Variants in UBE2D2 observed in about 807,000 individuals in gnomAD.
The protein encoded by UBE2D2 is ubiquitin conjugating enzyme E2 D2.
A neutral mutation model predicts 24.2 loss-of-function variants in UBE2D2; 2 were observed. The observed-to-expected ratio is 0.08, with a 90% CI of 0.03 to 0.26. The LOEUF is 0.26. Among genes scored for constraint, UBE2D2 ranks in the 10% least tolerant of loss-of-function variants. The probability of loss-of-function intolerance (pLI) is 1.00; values close to 1 mark genes in which losing one functional copy is unlikely to be tolerated. For missense variants in UBE2D2, 44 were observed against 177.6 expected (o/e 0.25, Z 4.28); for synonymous variants, 58 against 56.5 (o/e 1.03, Z -0.12).
At chr5:139,617,011 A>G (rs1256741922) in intron 5 of UBE2D2, among the ~76,000 whole-genome samples, 1 of 152,054 alleles carries the variant, frequency 6.6e-6, no homozygotes, top group Non-Finnish European at 1.5e-5. Context: ...GCAAAACCCC[A>G]TCTTTACTAA....
intron 1 of UBE2D2, among the ~76,000 whole-genome samples, chr5:139,589,650 AGTG>A (rs756585538): frequency 7.9e-5 from 12 of 152,244 alleles, no homozygotes; most frequent in Non-Finnish European, 1.5e-4. Flanking sequence ...CTTAGAAAGT[AGTG>A]ATTTATTTAG....
chr5:139,606,788 A>C (rs1482202021), intron 2 of UBE2D2, among the ~76,000 whole-genome samples: 1 of 152,072 alleles, frequency 6.6e-6, no homozygotes, highest in Non-Finnish European at 1.5e-5. Flanking sequence ...TTTTTACTTG[A>C]ACCTCTAGTA....
At chr5:139,531,919 C>T (rs1400281442) in intron 1 of UBE2D2, among the ~76,000 whole-genome samples, 1 of 150,906 alleles carries the variant, frequency 6.6e-6, no homozygotes, top group African/African-American at 2.4e-5. Flanking sequence ...CCCAGGGGGT[C>T]GAAGCTGCAA....
chr5:139,548,274 C>T (rs868583816), intron 1 of UBE2D2, among the ~76,000 whole-genome samples: 6 of 150,662 alleles, frequency 4.0e-5, no homozygotes, highest in South Asian at 2.1e-4. Flanking sequence ...CTCATATATG[C>T]ACGGCCTCTC....
intron 1 of UBE2D2, among the ~76,000 whole-genome samples, chr5:139,536,159 G>C (rs1752679746): frequency 6.6e-6 from 1 of 152,076 alleles, no homozygotes; most frequent in South Asian, 2.1e-4. Flanking sequence ...GAGTGCAATG[G>C]CGTGATCTCA....
intron 1 of UBE2D2, among the ~76,000 whole-genome samples, chr5:139,567,520 A>G (rs1375752696): frequency 7.4e-6 from 1 of 134,416 alleles, no homozygotes; most frequent in Admixed American, 7.5e-5. Flanking sequence ...CACCCAGCCA[A>G]TTTGCTAAGT....
At chr5:139,546,823 TTCCTTCCTTCCTTCCTTCCTTC>T (rs1752835774) in intron 1 of UBE2D2, among the ~76,000 whole-genome samples, 1 of 14,138 alleles carries the variant, frequency 7.1e-5, no homozygotes, top group African/African-American at 4.2e-4. Flanking sequence ...TCTTTCTTCC[TTCCTTCCTTCCTTCCTTCCTTC>T]CTTCCTTCCT....
At chr5:139,602,249 G>A (rs58668884) in intron 2 of UBE2D2, among the ~76,000 whole-genome samples, 5 of 152,136 alleles carry the variant, frequency 3.3e-5, no homozygotes, top group Admixed American at 2.6e-4. Context: ...ACGGGGTTTC[G>A]CCATGTTGGC....
intron 6 of UBE2D2, 122 bp from the exon 7 acceptor site, chr5:139,626,634 G>T (rs1754634822): frequency 1.3e-6 from 1 of 754,544 alleles, no homozygotes; most frequent in Non-Finnish European, 2.3e-6. Flanking sequence ...GGATAGAAAG[G>T]GGCCTTTCCT....
chr5:139,581,246 A>T (rs566927095), intron 1 of UBE2D2, among the ~76,000 whole-genome samples: 12 of 152,232 alleles, frequency 7.9e-5, no homozygotes, highest in African/African-American at 2.2e-4. Context: ...CAGGAGTTTG[A>T]GACCAGCCTG....
At chr5:139,570,661 G>A (rs1455509418) in intron 1 of UBE2D2, among the ~76,000 whole-genome samples, 1 of 152,140 alleles carries the variant, frequency 6.6e-6, no homozygotes, top group East Asian at 1.9e-4. Flanking sequence ...ACAGGCGCGT[G>A]CCATGATGCC....
chr5:139,592,058 C>T (rs1026928972), intron 1 of UBE2D2, among the ~76,000 whole-genome samples: 5 of 152,016 alleles, frequency 3.3e-5, no homozygotes, highest in East Asian at 3.9e-4. Context: ...AAAAATTAGC[C>T]GGGCCTGGTG....
intron 1 of UBE2D2, among the ~76,000 whole-genome samples, chr5:139,532,689 G>T (rs1253553666): frequency 6.6e-6 from 1 of 151,650 alleles, no homozygotes; most frequent in Non-Finnish European, 1.5e-5. Context: ...GTTTCACCAT[G>T]TTGGCCACAT....
intron 1 of UBE2D2, among the ~76,000 whole-genome samples, chr5:139,563,798 G>C (rs1753160245): frequency 6.6e-6 from 1 of 152,110 alleles, no homozygotes; most frequent in Non-Finnish European, 1.5e-5. Flanking sequence ...AGCCGGGCTT[G>C]GTGGCGGGTT....
chr5:139,550,706 C>T (rs1011239854), intron 1 of UBE2D2, among the ~76,000 whole-genome samples: 5 of 151,876 alleles, frequency 3.3e-5, no homozygotes, highest in South Asian at 4.2e-4. Context: ...GACCATGAAC[C>T]CATGGGAGGA....
chr5:139,546,151 C>G (rs1752822834), intron 1 of UBE2D2, among the ~76,000 whole-genome samples: 1 of 151,994 alleles, frequency 6.6e-6, no homozygotes, highest in African/African-American at 2.4e-5. Context: ...TCAAGCGATT[C>G]TCCTGCCTCA....
chr5:139,596,379 C>T (rs1162259108), intron 1 of UBE2D2, among the ~76,000 whole-genome samples: 2 of 151,598 alleles, frequency 1.3e-5, no homozygotes, highest in African/African-American at 2.4e-5. Context: ...CTGCAACCTC[C>T]GCCTCCTGGG....
intron 1 of UBE2D2, among the ~76,000 whole-genome samples, chr5:139,550,801 A>G (rs1206265641): frequency 6.6e-6 from 1 of 152,116 alleles, no homozygotes; most frequent in East Asian, 1.9e-4. Flanking sequence ...CAGTGAGACC[A>G]CAAATCCACC....
chr5:139,565,354 G>T (rs910766681), intron 1 of UBE2D2, among the ~76,000 whole-genome samples: 1 of 152,208 alleles, frequency 6.6e-6, no homozygotes, highest in Non-Finnish European at 1.5e-5. Flanking sequence ...TATAAGCAGA[G>T]CATAGCAAAG....
Sources: gnomAD v4.1 joint callset for allele counts (sites outside exome capture counted in the v4.1 genomes callset) on GRCh38, gnomAD v4.1.1 for gene constraint, MANE v1.5 for transcripts, NCBI Gene and HGNC (gene_info 2026-07-23, HGNC 2026-07-21) for gene names.